ITPRID1: variants seen among roughly 807,000 people sequenced by gnomAD.
ITPRID1 encodes the protein ITPR interacting domain containing 1, also known as protein ITPRID1.
A neutral mutation model predicts 95.4 loss-of-function variants in ITPRID1; 96 were observed. The ratio of observed to expected loss-of-function variants is 1.01; its 90% confidence interval spans 0.85 to 1.19. The LOEUF (loss-of-function observed/expected upper bound fraction) is 1.19, where lower values mean the gene tolerates loss of function less well. Ranked by LOEUF, ITPRID1 falls within the 50% of genes most tolerant of loss-of-function variation. The pLI is 0.00. For synonymous variants in ITPRID1, 510 were observed against 453.6 expected, an observed-to-expected ratio of 1.12 and a Z score of -1.58; for missense variants, 1,339 against 1,252.9, an observed-to-expected ratio of 1.07 and a Z score of -1.04.
At chr7:31,561,705 G>A (rs147370357) in intron 5 of ITPRID1, among the ~76,000 whole-genome samples, 162 of 152,302 alleles carry the variant, frequency 1.1e-3, no homozygotes, top group Non-Finnish European at 1.9e-3. Flanking sequence ...CATCTCCAGG[G>A]CGTTGTCTGT....
chr7:31,598,799 G>C (rs1241543388), intron 10 of ITPRID1, among the ~76,000 whole-genome samples: 1 of 151,888 alleles, frequency 6.6e-6, no homozygotes, highest in Admixed American at 6.6e-5. Context: ...AAAAACTGAC[G>C]AATAAACAAG....
At chr7:31,559,650 G>A (rs1222295898) in intron 5 of ITPRID1, among the ~76,000 whole-genome samples, 1 of 152,168 alleles carries the variant, frequency 6.6e-6, no homozygotes, top group African/African-American at 2.4e-5. Context: ...GGGTGACAGA[G>A]TGAGACTCTG....
chr7:31,653,497 C>T lies in ITPRID1; in HGVS notation c.*668C>T, dbSNP rs1458309256. 1 of 151,626 alleles carries T rather than the reference C, an allele frequency of 6.6e-6. No individual in the cohort carries two copies. The highest frequency in any genetic ancestry group is 1.5e-5 in the Non-Finnish European group (1 of 67,982). The allele number at this position is 151,626 out of a possible 1,614,324, so 9.4% of individuals were successfully genotyped here. A position where few individuals can be genotyped will look rare whatever the true frequency, so the allele number is the denominator to read the frequency against. On this transcript the variant is annotated 3_prime_UTR_variant, in exon 15 of 15. Transcript: ENST00000615280. ...TTTGAGTTCTGTTCTTTGTCCTGTACCTATTAAGAGAAGCTATCAATATAC... is the reference window on the plus strand; with the variant it reads ...TTTGAGTTCTGTTCTTTGTCCTGTATCTATTAAGAGAAGCTATCAATATAC...
chr7:31,640,034 C>G (rs1240467099), intron 10 of ITPRID1, among the ~76,000 whole-genome samples: 2 of 152,028 alleles, frequency 1.3e-5, no homozygotes, highest in Non-Finnish European at 2.9e-5. Flanking sequence ...TACTATATTC[C>G]CATAAATATT....
chr7:31,563,504 C>T (rs528283098), intron 5 of ITPRID1, among the ~76,000 whole-genome samples: 1 of 152,152 alleles, frequency 6.6e-6, no homozygotes, highest in African/African-American at 2.4e-5. Context: ...GATTTTGACA[C>T]CCTATCTTTG....
At chr7:31,639,860 GCT>G (rs1336708879) in intron 10 of ITPRID1, among the ~76,000 whole-genome samples, 1 of 152,062 alleles carries the variant, frequency 6.6e-6, no homozygotes, top group Non-Finnish European at 1.5e-5. Flanking sequence ...ATGTTTTAAT[GCT>G]CTTTCTTAAT....
intron 10 of ITPRID1, among the ~76,000 whole-genome samples, chr7:31,625,725 ACC>A (rs1428976550): frequency 1.3e-5 from 2 of 152,174 alleles, no homozygotes; most frequent in African/African-American, 2.4e-5. Flanking sequence ...ATACATATGT[ACC>A]TAACCTGCAC....
chr7:31,633,438 T>G (rs899505460), intron 10 of ITPRID1, among the ~76,000 whole-genome samples: 1 of 152,176 alleles, frequency 6.6e-6, no homozygotes, highest in African/African-American at 2.4e-5. Context: ...ATAAGGAGTG[T>G]TCTGGAAGGG....
chr7:31,658,113 A>T (rs776801369), downstream of ITPRID1, among the ~76,000 whole-genome samples: 2 of 152,228 alleles, frequency 1.3e-5, no homozygotes, highest in Non-Finnish European at 2.9e-5. Context: ...TGCATCATGG[A>T]GACACAAAGA....
At chr7:31,519,612 C>CCATATATATATATATA (rs1783159967) in intron 1 of ITPRID1, among the ~76,000 whole-genome samples, 2 of 46,874 alleles carry the variant, frequency 4.3e-5, no homozygotes, top group Non-Finnish European at 8.1e-5. Flanking sequence ...CTCTCTCTCT[C>CCATATATATATATATA]TCTCTCTCTA....
intron 10 of ITPRID1, among the ~76,000 whole-genome samples, chr7:31,628,650 G>GA (rs1437060336): frequency 6.6e-6 from 1 of 151,940 alleles, no homozygotes; most frequent in African/African-American, 2.4e-5. Flanking sequence ...TAGAGACAGG[G>GA]TTTCACCGTG....
downstream of ITPRID1, among the ~76,000 whole-genome samples, chr7:31,657,259 C>G (rs1273249719): frequency 1.3e-5 from 2 of 151,350 alleles, no homozygotes; most frequent in African/African-American, 4.9e-5. Flanking sequence ...ACTCTGATTT[C>G]CTGATTTGTT....
At chr7:31,571,997 A>G (rs1785006042) in intron 6 of ITPRID1, 105 bp from the exon 7 acceptor site, 1 of 717,296 alleles carries the variant, frequency 1.4e-6, no homozygotes, top group Admixed American at 2.4e-5. Context: ...ATTAGAGACT[A>G]AGAGGAAATG....
chr7:31,598,693 G>A (rs748767965), intron 10 of ITPRID1, among the ~76,000 whole-genome samples: 11 of 151,972 alleles, frequency 7.2e-5, no homozygotes, highest in South Asian at 2.1e-4. Flanking sequence ...GTGAGCCACC[G>A]CGCTCGGTCT....
downstream of ITPRID1, chr7:31,658,167 C>A: frequency 1.0e-6 from 1 of 975,292 alleles, no homozygotes; most frequent in Non-Finnish European, 1.4e-6. Flanking sequence ...ATGCATAGGC[C>A]ATGTAGATTT....
At chr7:31,566,429 T>C (rs1013090829) in intron 5 of ITPRID1, among the ~76,000 whole-genome samples, 13 of 152,142 alleles carry the variant, frequency 8.5e-5, no homozygotes, top group Non-Finnish European at 1.6e-4. Context: ...TGGCAGAATA[T>C]GCAGCCAAAT....
intron 10 of ITPRID1, among the ~76,000 whole-genome samples, chr7:31,604,713 A>G (rs1035322748): frequency 6.6e-6 from 1 of 152,220 alleles, no homozygotes; most frequent in Non-Finnish European, 1.5e-5. Flanking sequence ...TATGCTTCCT[A>G]TAAAAATTAC....
downstream of ITPRID1, among the ~76,000 whole-genome samples, chr7:31,657,193 C>T (rs947275554): frequency 1.1e-4 from 1 of 8,792 alleles, no homozygotes; most frequent in African/African-American, 5.6e-4. Context: ...CACGCACACT[C>T]GTTCAAAAAG....
intron 10 of ITPRID1, among the ~76,000 whole-genome samples, chr7:31,589,199 T>C (rs1310366972): frequency 6.6e-6 from 1 of 152,096 alleles, no homozygotes; most frequent in East Asian, 1.9e-4. Flanking sequence ...TCAATATTCA[T>C]TTAACATTAC....
Sources: gnomAD v4.1 joint callset for allele counts (sites outside exome capture counted in the v4.1 genomes callset) on GRCh38, gnomAD v4.1.1 for gene constraint, MANE v1.5 for transcripts, NCBI Gene and HGNC (gene_info 2026-07-23, HGNC 2026-07-21) for gene names.